The following SRRM2 variants were observed in gnomAD, a reference collection of about 807,000 sequenced individuals.
SRRM2 encodes serine/arginine repetitive matrix protein 2.
A neutral mutation model predicts 213.8 loss-of-function variants in SRRM2; 30 were observed. The observed-to-expected ratio is 0.14, with a 90% CI of 0.10 to 0.19. The LOEUF (loss-of-function observed/expected upper bound fraction) is 0.19, where lower values mean the gene tolerates loss of function less well. Among genes scored for constraint, SRRM2 ranks in the 10% least tolerant of loss-of-function variants. The probability of loss-of-function intolerance (pLI) is 1.00; values close to 1 mark genes in which losing one functional copy is unlikely to be tolerated. For synonymous variants in SRRM2, 2,025 were observed against 1,377.7 expected (o/e 1.47, Z -10.40); for missense variants, 4,904 against 3,647.0 (o/e 1.34, Z -8.88).
rs1251030901 is a variant in SRRM2, at chr16:2,762,559, C to A, written c.2031C>A (p.Arg677=). 1.9e-6 allele frequency: 3 copies of A among 1,613,758 alleles called. No individual in the cohort carries two copies. Among genetic ancestry groups the A allele is most frequent in the Non-Finnish European group, 2.5e-6 (3 of 1,179,940 alleles). The change falls in exon 11 of 15, where the codon CGC becomes CGA. Residue 677 remains arginine, a synonymous_variant. Coordinates refer to ENST00000301740, the MANE Select transcript of SRRM2 (RefSeq NM_016333.4). ...CACGCTCTAGAACCCCAGCTAGACG[C>A]AGTGGTCGCTCACGCTCCAGAACAC... ...GRSRSRTPAR[R]SGRSRSRTPA...
At chr16:2,756,727 GGAGGCAGAT>G (rs1189397886) in intron 2 of SRRM2, 121 bp downstream of exon 2, 1 of 1,349,148 alleles carries the variant, frequency 7.4e-7, no homozygotes, top group Non-Finnish European at 1.0e-6. Context: ...TGGTAGGGGA[GGAGGCAGAT>G]GAGCTCTAGA....
Position 2,770,342 on chromosome 16 carries a change from T to C in SRRM2, c.8022-10T>C. On this transcript the variant is annotated splice_polypyrimidine_tract_variant and intron_variant, in intron 12 of 14. Coordinates refer to ENST00000301740, the MANE Select transcript of SRRM2 (RefSeq NM_016333.4). ...GGTGTGGTGCTATTGGGTCCTACTGTGTTCCCCAGGTCCCGCAGCCCCCGG... is the reference window on the plus strand; with the variant it reads ...GGTGTGGTGCTATTGGGTCCTACTGCGTTCCCCAGGTCCCGCAGCCCCCGG... 1 of 1,575,414 alleles carries C rather than the reference T, an allele frequency of 6.3e-7. No individual in the cohort carries two copies. The highest frequency in any genetic ancestry group is 8.6e-7 in the Non-Finnish European group (1 of 1,159,934).
intron 1 of SRRM2, among the ~76,000 whole-genome samples, chr16:2,754,570 G>T (rs934054011): frequency 1.3e-5 from 2 of 152,170 alleles, no homozygotes; most frequent in African/African-American, 4.8e-5. Flanking sequence ...TGTTACAGGC[G>T]TGAGCCACCG....
At position 2,762,493 on chromosome 16, in the gene SRRM2, T is replaced by G. The variant is rs754340119; in HGVS notation, c.1965T>G (p.Arg655=). The change falls in exon 11 of 15, where the codon CGT becomes CGG. Residue 655 remains arginine, a synonymous_variant. Transcript: ENST00000301740. Reference sequence around the variant, plus strand: ...CACGCTCTAGAACCCCAGCTAGACGTGGCCGCTCACGCTCCAGAACCCCAG... The same window carrying G: ...CACGCTCTAGAACCCCAGCTAGACGGGGCCGCTCACGCTCCAGAACCCCAG... ...GRSRSRTPAR[R]GRSRSRTPAR... 3.7e-6 allele frequency: 6 copies of G among 1,613,144 alleles called. No homozygotes were observed. Among genetic ancestry groups the G allele is most frequent in the African/African-American group, 1.3e-5 (1 of 74,802 alleles).
intron 9 of SRRM2, 197 bp from the exon 10 acceptor site, chr16:2,760,104 T>G: frequency 1.6e-6 from 1 of 625,194 alleles, no homozygotes; most frequent in Non-Finnish European, 2.8e-6. Context: ...GAACGCTCTT[T>G]GGGATTGTGT....
rs750752040 is a variant in SRRM2, at chr16:2,762,849, C to T, written c.2321C>T (p.Ser774Phe). 4 of 1,614,220 alleles carry T rather than the reference C, an allele frequency of 2.5e-6. No individual in the cohort carries two copies. The highest frequency in any genetic ancestry group is 3.3e-5 in the Admixed American group (2 of 60,028). ...CGGTCCAAAGCAAAATCTCGCTTGT[C>T]TTTGAGGCGCAGCCTTTCAGGGTCT... is the stretch of plus-strand genomic sequence containing the variant. Reference protein sequence around the residue: ...SPRSKAKSRLSLRRSLSGSSP... With the variant: ...SPRSKAKSRLFLRRSLSGSSP... The change falls in exon 11 of 15, where the codon TCT becomes TTT. Residue 774 changes from serine (S) to phenylalanine (F), a missense_variant. Physicochemically the swap from Ser to Phe is radical, Grantham distance 155. Coordinates refer to ENST00000301740, the MANE Select transcript of SRRM2 (RefSeq NM_016333.4).
chr16:2,758,264 G>C (rs2068217433), intron 4 of SRRM2, among the ~76,000 whole-genome samples: 2 of 152,220 alleles, frequency 1.3e-5, no homozygotes, highest in Non-Finnish European at 2.9e-5. Flanking sequence ...GCTGCTTGGA[G>C]AGGTGGAGGC....
At chr16:2,760,227 T>C (rs2068290121) in intron 9 of SRRM2, 74 bp from the exon 10 acceptor site, 2 of 1,447,050 alleles carry the variant, frequency 1.4e-6, no homozygotes, top group Admixed American at 3.9e-5. Context: ...TGGATGGGAG[T>C]TGGGGAGGGG....
At position 2,764,643 on chromosome 16, in the gene SRRM2, A is replaced by G. The variant is rs142314036; in HGVS notation, c.4115A>G (p.Lys1372Arg). The G allele has an allele frequency of 2.3e-4, 370 of 1,614,232 alleles. No individual in the cohort carries two copies. Among genetic ancestry groups the G allele is most frequent in the Non-Finnish European group, 2.8e-4 (325 of 1,180,044 alleles). The change falls in exon 11 of 15, where the codon AAA (lysine) becomes AGA (arginine). Residue 1372 changes from lysine to arginine, a missense_variant. Physicochemically the swap from Lys to Arg is conservative, Grantham distance 26. Transcript: ENST00000301740. ...QLETDPSLDM[K>R]EQSTRSSGHS... ...GAAACAGATCCATCTCTAGACATGA[A>G]AGAACAATCGACAAGATCCTCTGGA...
At chr16:2,760,771 TC>T (rs1440974925) in intron 10 of SRRM2, 3 of 423,998 alleles carry the variant, frequency 7.1e-6, no homozygotes, top group Non-Finnish European at 1.3e-5. Context: ...AAACGTTGTA[TC>T]TTATCTGTGT....
At chr16:2,756,273 G>C (rs2068136386) in intron 1 of SRRM2, 61 bp from the exon 2 acceptor site, 2 of 1,402,264 alleles carry the variant, frequency 1.4e-6, no homozygotes, top group African/African-American at 2.9e-5. Flanking sequence ...CTTGGGTGTG[G>C]GGCGGTAAGT....
In SRRM2 at chr16:2,767,824, C is replaced by A; in HGVS notation, c.7296C>A (p.Gly2432=). 1 of 1,614,014 alleles carries A rather than the reference C, an allele frequency of 6.2e-7. No individual in the cohort carries two copies. The highest frequency in any genetic ancestry group is 1.6e-4 in the Middle Eastern group (1 of 6,062). Residue 2432 remains glycine (G), a synonymous_variant, in exon 11 of 15, where the codon GGC becomes GGA. Transcript: ENST00000301740. ...ERAPSPSSRM[G]QAPSQSLLPP... is the part of the protein sequence containing the mutation. ...CTCCCTCCCCTTCCTCTAGAATGGG[C>A]CAGGCTCCTTCACAGTCTCTTCTCC...
chr16:2,770,094 T>C (rs2068688761), intron 12 of SRRM2: 2 of 1,357,578 alleles, frequency 1.5e-6, no homozygotes, highest in African/African-American at 1.5e-5. Context: ...GGGCCGTGCG[T>C]GCCTTTCTTC....
chr16:2,767,958 C>G lies in SRRM2; in HGVS notation c.7430C>G (p.Ser2477Cys), dbSNP rs761600082. Residue 2477 changes from serine (S) to cysteine (C), a missense_variant, in exon 11 of 15, where the codon TCT (serine) becomes TGT (cysteine). Transcript: ENST00000301740. Reference protein sequence around the residue: ...TPVAGSQSLSSGAVATTTSSA... With the variant: ...TPVAGSQSLSCGAVATTTSSA... Reference sequence around the variant, plus strand: ...GTAGCAGGGTCTCAGTCCCTTTCCTCTGGGGCAGTGGCAACGACCACGTCC... The same window carrying G: ...GTAGCAGGGTCTCAGTCCCTTTCCTGTGGGGCAGTGGCAACGACCACGTCC... The G allele has an allele frequency of 6.2e-7, 1 of 1,614,222 alleles. No individual in the cohort carries two copies. Among genetic ancestry groups the G allele is most frequent in the African/African-American group, 1.3e-5 (1 of 75,054 alleles).
rs202064795 is a variant in SRRM2, at chr16:2,760,440, G to A, written c.973G>A (p.Glu325Lys). ...CAGCACACAACGGCCTAGTAGCCCG[G>A]AGACTGCTACGAAACAGCCTAGCAG... ...TTSTQRPSSP[E>K]TATKQPSSPY... Residue 325 changes from glutamate (E) to lysine (K), a missense_variant, in exon 10 of 15, where the codon GAG (glutamate) becomes AAG (lysine). Transcript: ENST00000301740. The A allele has an allele frequency of 6.2e-7, 1 of 1,614,162 alleles. No homozygotes were observed.
chr16:2,761,889 C>T lies in SRRM2; in HGVS notation c.1361C>T (p.Ser454Phe), dbSNP rs1278609218. 1.2e-6 allele frequency: 2 copies of T among 1,612,754 alleles called. No homozygotes were observed. Among genetic ancestry groups the T allele is most frequent in the Admixed American group, 1.7e-5 (1 of 59,994 alleles). The stretch of plus-strand genomic sequence containing the variant: ...GCTCCAGGGTCCCACCGAGAGATTT[C>T]TTCTTCTCCCACATCTAAGAATCGC... Reference protein sequence around the residue: ...APAPGSHREISSSPTSKNRSH... With the variant: ...APAPGSHREIFSSPTSKNRSH... The change falls in exon 11 of 15, where the codon TCT becomes TTT. Residue 454 changes from serine to phenylalanine, a missense_variant. By Grantham distance (155) the Ser-to-Phe change is radical (BLOSUM62 -2). Transcript: ENST00000301740.
intron 12 of SRRM2, 128 bp from the exon 13 acceptor site, chr16:2,770,224 A>G: frequency 1.4e-6 from 2 of 1,453,706 alleles, no homozygotes; most frequent in Non-Finnish European, 9.1e-7. Flanking sequence ...GTGAGCGGAC[A>G]AAGGTGGGTC....
In SRRM2 at chr16:2,759,339, C is replaced by A. The variant is rs777718531; in HGVS notation, c.690-13C>A. On this transcript the variant is annotated splice_polypyrimidine_tract_variant and intron_variant, in intron 7 of 14. Coordinates refer to ENST00000301740, the MANE Select transcript of SRRM2 (RefSeq NM_016333.4). ...AAAGAAGTTACTTTTAACAACCTTT[C>A]CTTATTTCCCAGGTCTCCCACTCCA... The A allele has an allele frequency of 1.2e-6, 2 of 1,607,892 alleles. No homozygotes were observed. Among genetic ancestry groups the A allele is most frequent in the Non-Finnish European group, 1.7e-6 (2 of 1,178,390 alleles).
At position 2,767,261 on chromosome 16, in the gene SRRM2, G is replaced by A. The variant is rs768236006; in HGVS notation, c.6733G>A (p.Ala2245Thr). The A allele has an allele frequency of 5.0e-6, 8 of 1,613,984 alleles. No individual in the cohort carries two copies. In the Middle Eastern group the frequency reaches 4.9e-4, roughly 100 times the overall value. The change falls in exon 11 of 15, where the codon GCC becomes ACC. Residue 2245 changes from alanine to threonine, a missense_variant. Ala to Thr is a moderately conservative substitution (Grantham distance 58). Transcript: ENST00000301740. The stretch of plus-strand genomic sequence containing the variant: ...TGCGGCAGCCATGAACCTAGCCAGC[G>A]CCAGGACACCTGCCATTCCAACAGC... ...ASAAAMNLAS[A>T]RTPAIPTAVN...
Sources: gnomAD v4.1 joint callset for allele counts (sites outside exome capture counted in the v4.1 genomes callset) on GRCh38, gnomAD v4.1.1 for gene constraint, MANE v1.5 for transcripts, NCBI Gene and HGNC (gene_info 2026-07-23, HGNC 2026-07-21) for gene names.